Variants in BMS1 observed in about 807,000 individuals in gnomAD.
The protein encoded by BMS1 is BMS1 ribosome biogenesis factor, also known as ribosome biogenesis protein BMS1 homolog.
In BMS1, 53 loss-of-function variants were observed where a neutral mutation model predicts 138.7. The observed-to-expected ratio is 0.38, with a 90% confidence interval of 0.31 to 0.48. The LOEUF (loss-of-function observed/expected upper bound fraction) is 0.48. Ranked by LOEUF, BMS1 falls within the 20% of genes least tolerant of loss-of-function variation. The probability of loss-of-function intolerance (pLI) is 0.97; values close to 1 mark genes in which losing one functional copy is unlikely to be tolerated. For synonymous variants in BMS1, 504 were observed against 539.9 expected, an observed-to-expected ratio of 0.93 and a Z score of 0.92; for missense variants, 1,360 against 1,565.5, an observed-to-expected ratio of 0.87 and a Z score of 2.22.
At chr10:42,829,465 A>ATTAG (rs1387148116) in intron 21 of BMS1, among the ~76,000 whole-genome samples, 1 of 152,166 alleles carries the variant, frequency 6.6e-6, no homozygotes, top group African/African-American at 2.4e-5. Context: ...AAACTTCTTA[A>ATTAG]TTAGAATCAG....
At chr10:42,816,517 A>G in intron 13 of BMS1, 82 bp from the exon 14 acceptor site, 1 of 1,136,352 alleles carries the variant, frequency 8.8e-7, no homozygotes, top group Non-Finnish European at 1.3e-6. Flanking sequence ...AACGCAGAGC[A>G]CACTGTGGGC....
chr10:42,811,046 A>C (rs1842159569), intron 13 of BMS1, among the ~76,000 whole-genome samples: 1 of 117,018 alleles, frequency 8.5e-6, no homozygotes, highest in South Asian at 3.1e-4. Flanking sequence ...ATTTATTATT[A>C]TTATTTTTTT....
chr10:42,826,473 C>T (rs1588760968), intron 21 of BMS1, among the ~76,000 whole-genome samples: 3 of 152,132 alleles, frequency 2.0e-5, no homozygotes, highest in South Asian at 2.1e-4. Flanking sequence ...TCAGTCTCTA[C>T]GAGGCCAGGC....
chr10:42,805,307 T>A (rs568127203), intron 13 of BMS1, among the ~76,000 whole-genome samples: 2 of 152,196 alleles, frequency 1.3e-5, no homozygotes. Flanking sequence ...ATTTCTGGGC[T>A]CTCTGTTCTG....
At chr10:42,786,417 A>C (rs111736396) in intron 3 of BMS1, among the ~76,000 whole-genome samples, 22 of 152,000 alleles carry the variant, frequency 1.4e-4, no homozygotes, top group African/African-American at 5.3e-4. Flanking sequence ...TGGAGCATCC[A>C]TATTTTCTTT....
intron 21 of BMS1, among the ~76,000 whole-genome samples, chr10:42,827,069 G>T (rs1588761757): frequency 6.6e-6 from 1 of 152,246 alleles, no homozygotes; most frequent in East Asian, 1.9e-4. Context: ...GATCCTTTAT[G>T]AATAGATTAA....
At chr10:42,811,520 C>CTTTCTT (rs1842177366) in intron 13 of BMS1, among the ~76,000 whole-genome samples, 12 of 121,568 alleles carry the variant, frequency 9.9e-5, no homozygotes, top group Non-Finnish European at 1.3e-4. Context: ...GTTGTATTTT[C>CTTTCTT]TTTTTCTTTT....
chr10:42,825,984 T>C (rs1588760174), intron 21 of BMS1, among the ~76,000 whole-genome samples: 1 of 152,270 alleles, frequency 6.6e-6, no homozygotes, highest in African/African-American at 2.4e-5. Flanking sequence ...GAAAGGTTGC[T>C]AAACTTTGTT....
intron 21 of BMS1, among the ~76,000 whole-genome samples, chr10:42,826,237 T>TGTGTG (rs1554799887): frequency 6.9e-6 from 1 of 145,648 alleles, no homozygotes; most frequent in Non-Finnish European, 1.5e-5. Context: ...TTTTTGTTTG[T>TGTGTG]TGTGTGTGTG....
intron 21 of BMS1, 31 bp downstream of exon 21, chr10:42,823,815 A>G (rs1419165745): frequency 1.4e-6 from 2 of 1,467,112 alleles, no homozygotes; most frequent in Non-Finnish European, 1.8e-6. Flanking sequence ...AGTGGAGATG[A>G]AGCCTGTGCT....
intron 13 of BMS1, among the ~76,000 whole-genome samples, chr10:42,815,436 C>G (rs965612436): frequency 2.6e-5 from 4 of 151,982 alleles, no homozygotes; most frequent in African/African-American, 9.7e-5. Flanking sequence ...TCCTTTTTTG[C>G]TTTTATTACA....
rs941209859 is a variant in BMS1, at chr10:42,793,933, C to G, written c.1171C>G (p.Arg391Gly). Residue 391 changes from arginine to glycine, a missense_variant, in exon 9 of 23, where the codon CGA (arginine) becomes GGA (glycine). Physicochemically the swap from Arg to Gly is moderately radical, Grantham distance 125. This residue lies in a region of BMS1 where 697 missense variants were observed against 686.2 expected (regional missense o/e 1.02). Coordinates refer to ENST00000374518, the MANE Select transcript of BMS1 (RefSeq NM_014753.4). Reference protein sequence around the residue: ...STIDAKMASSRVTLFSDSKPL... With the variant: ...STIDAKMASSGVTLFSDSKPL... ...CATTGATGCCAAGATGGCTTCAAGT[C>G]GAGTGACGCTGTTTTCTGATTCCAA... 5 of 1,611,354 alleles carry G rather than the reference C, an allele frequency of 3.1e-6. No homozygotes were observed. The highest frequency in any genetic ancestry group is 2.2e-4 in the Middle Eastern group (1 of 4,452).
chr10:42,786,145 G>A (rs952289980), intron 3 of BMS1, among the ~76,000 whole-genome samples: 2 of 152,178 alleles, frequency 1.3e-5, no homozygotes, highest in African/African-American at 2.4e-5. Flanking sequence ...GGCCTAGCAG[G>A]CCTAGTCACC....
chr10:42,791,625 A>G lies in BMS1; in HGVS notation c.637-2A>G. The stretch of plus-strand genomic sequence containing the variant: ...AATTTTTAATTTTCCTCTAATGTTT[A>G]GGGTGCCAAGCTGTTCTACCTTTCT... On this transcript the variant is annotated splice_acceptor_variant, in intron 5 of 22. Coordinates refer to ENST00000374518, the MANE Select transcript of BMS1 (RefSeq NM_014753.4). LOFTEE classifies it high-confidence loss of function. 1 of 1,593,640 alleles carries G rather than the reference A, an allele frequency of 6.3e-7. No homozygotes were observed. The highest frequency in any genetic ancestry group is 8.5e-7 in the Non-Finnish European group (1 of 1,174,646).
intron 21 of BMS1, among the ~76,000 whole-genome samples, chr10:42,826,277 G>A (rs1029113416): frequency 1.4e-5 from 2 of 140,648 alleles, no homozygotes; most frequent in Non-Finnish European, 3.2e-5. Flanking sequence ...GTGTGTGTGT[G>A]TGTTTTGGTT....
intron 13 of BMS1, among the ~76,000 whole-genome samples, chr10:42,805,011 C>T (rs545731611): frequency 6.6e-6 from 1 of 152,318 alleles, no homozygotes; most frequent in Non-Finnish European, 1.5e-5. Context: ...AGCCACTGTG[C>T]CCTGCCCAAA....
chr10:42,809,509 C>T (rs566870479), intron 13 of BMS1, among the ~76,000 whole-genome samples: 1 of 152,194 alleles, frequency 6.6e-6, no homozygotes, highest in South Asian at 2.1e-4. Context: ...GATCTGCCTG[C>T]CTCAGCCTCC....
At chr10:42,785,380 C>A (rs1482075305) in intron 2 of BMS1, 102 bp from the exon 3 acceptor site, 34 of 969,570 alleles carry the variant, frequency 3.5e-5, no homozygotes, top group Admixed American at 5.6e-5. Context: ...GTACTCATAG[C>A]TATAAGTGTA....
At chr10:42,811,586 G>A (rs1842184412) in intron 13 of BMS1, among the ~76,000 whole-genome samples, 1 of 132,380 alleles carries the variant, frequency 7.6e-6, no homozygotes, top group African/African-American at 3.0e-5. Flanking sequence ...GTGCAGTGGC[G>A]GGATCTCGGC....
Sources: allele counts gnomAD v4.1 joint callset (sites outside exome capture counted in the v4.1 genomes callset), GRCh38; gene constraint gnomAD v4.1.1; regional missense constraint gnomAD v4.1.1; transcripts MANE v1.5; gene names NCBI Gene and HGNC (gene_info 2026-07-23, HGNC 2026-07-21).